DHX9: variants seen among roughly 807,000 people sequenced by gnomAD.
DHX9 encodes ATP-dependent RNA helicase A.
In DHX9, 27 loss-of-function variants were observed where a neutral mutation model predicts 148.7. The ratio of observed to expected loss-of-function variants is 0.18; its 90% confidence interval spans 0.13 to 0.25. The LOEUF (loss-of-function observed/expected upper bound fraction) is 0.25, where lower values mean the gene tolerates loss of function less well. Ranked by LOEUF, DHX9 falls within the 10% of genes least tolerant of loss-of-function variation. DHX9 has a pLI of 1.00. For synonymous variants in DHX9, 529 were observed against 516.6 expected (o/e 1.02, Z -0.33); for missense variants, 796 against 1,559.6 (o/e 0.51, Z 8.25).
chr1:182,887,012 T>C, intron 27 of DHX9, 71 bp from the exon 28 acceptor site: 1 of 1,384,338 alleles, frequency 7.2e-7, no homozygotes, highest in Non-Finnish European at 1.0e-6. Context: ...TAACTAAATG[T>C]GTACATTTGG....
At position 182,880,203 on chromosome 1, in the gene DHX9, T is replaced by C. The variant is rs1041792045; in HGVS notation, c.2513-294T>C. Among the ~76,000 whole-genome samples the C allele has an allele frequency of 3.9e-5, 6 of 152,238 alleles. No individual in the cohort carries two copies. In the East Asian group the frequency reaches 9.6e-4, roughly 24 times the overall value. On this transcript the variant is annotated intron_variant, in intron 21 of 27. Transcript: ENST00000367549. ...GCTGGGTATCAGACTTCTTATGGCA[T>C]GTAGAAACTTACGCTGCTATTATAG...
intron 22 of DHX9, 111 bp downstream of exon 22, chr1:182,880,719 T>A (rs1649047121): frequency 4.4e-6 from 3 of 687,022 alleles, no homozygotes; most frequent in Non-Finnish European, 7.5e-6. Context: ...ATCCTAAATG[T>A]TCTTCAGGGA....
intron 12 of DHX9, among the ~76,000 whole-genome samples, chr1:182,866,066 A>C (rs1648281053): frequency 1.3e-5 from 2 of 152,348 alleles, no homozygotes; most frequent in South Asian, 4.1e-4. Context: ...CATATGGCAA[A>C]GAAGGCAGTT....
intron 3 of DHX9, among the ~76,000 whole-genome samples, chr1:182,843,722 C>T (rs1057114376): frequency 6.6e-6 from 1 of 152,078 alleles, no homozygotes; most frequent in Non-Finnish European, 1.5e-5. Flanking sequence ...TGTTATGTTC[C>T]ATTCATTACC....
At chr1:182,851,572 ACAGAAATAGTTCATCC>A (rs1668151238) in intron 3 of DHX9, among the ~76,000 whole-genome samples, 1 of 152,222 alleles carries the variant, frequency 6.6e-6, no homozygotes, top group Admixed American at 6.5e-5. Context: ...TTCTTTGCAA[ACAGAAATAGTTCATCC>A]CATCTAGTTA....
chr1:182,882,929 C>T lies in DHX9; in HGVS notation c.2915-210C>T, dbSNP rs1299680478. 3.3e-5 allele frequency among the ~76,000 whole-genome samples: 5 copies of T among 151,670 alleles called. 1 individual carries two copies. The highest frequency in any genetic ancestry group is 4.4e-5 in the Non-Finnish European group (3 of 67,964). The stretch of plus-strand genomic sequence containing the variant: ...GGTTGAGTCTATAAGAGAATAGAGA[C>T]GTTTTCGTTTTCTTATTGTGGAAAC... On this transcript the variant is annotated intron_variant, in intron 24 of 27. Coordinates refer to ENST00000367549, the MANE Select transcript of DHX9 (RefSeq NM_001357.5).
At chr1:182,877,335 C>T (rs1648855792) in intron 19 of DHX9, 1 of 155,698 alleles carries the variant, frequency 6.4e-6, no homozygotes, top group African/African-American at 2.4e-5. Context: ...GAAAAATATA[C>T]CAGGAGACAT....
At chr1:182,870,402 C>A (rs151073998) in intron 14 of DHX9, among the ~76,000 whole-genome samples, 1 of 152,126 alleles carries the variant, frequency 6.6e-6, no homozygotes, top group Non-Finnish European at 1.5e-5. Flanking sequence ...TTACAGATAA[C>A]AAGACTTGCT....
Position 182,881,509 on chromosome 1 carries a change from A to AT in DHX9, c.2787-8dup. The AT allele has an allele frequency of 6.2e-7, 1 of 1,608,490 alleles. No individual in the cohort carries two copies. The highest frequency in any genetic ancestry group is 8.5e-7 in the Non-Finnish European group (1 of 1,178,286). The stretch of plus-strand genomic sequence containing the variant: ...TCTTAGAGAATGATTTCTCATGCCA[A>AT]TTTATTTTAGAATGGGTGGAGAAGA... On this transcript the variant is annotated splice_polypyrimidine_tract_variant and intron_variant, in intron 23 of 27. Coordinates refer to ENST00000367549, the MANE Select transcript of DHX9 (RefSeq NM_001357.5).
At chr1:182,851,534 AAGT>A (rs1414986584) in intron 3 of DHX9, among the ~76,000 whole-genome samples, 1 of 152,242 alleles carries the variant, frequency 6.6e-6, no homozygotes, top group Non-Finnish European at 1.5e-5. Flanking sequence ...CTGAATTAGA[AAGT>A]AAAAATAAGT....
intron 12 of DHX9, among the ~76,000 whole-genome samples, chr1:182,861,681 G>A (rs1668366476): frequency 6.6e-6 from 1 of 152,164 alleles, no homozygotes; most frequent in Non-Finnish European, 1.5e-5. Flanking sequence ...GAAGTGCTTT[G>A]TCTCACTGTC....
intron 2 of DHX9, among the ~76,000 whole-genome samples, 160 bp downstream of exon 2, chr1:182,842,837 A>G (rs539623860): frequency 6.6e-6 from 1 of 152,338 alleles, no homozygotes; most frequent in East Asian, 1.9e-4. Flanking sequence ...TCAAGTCAGC[A>G]TTACTTTTAA....
At chr1:182,856,889 G>A (rs1380961764) in intron 7 of DHX9, among the ~76,000 whole-genome samples, 5 of 152,006 alleles carry the variant, frequency 3.3e-5, no homozygotes, top group Admixed American at 2.0e-4. Context: ...TTGCTCTGTC[G>A]CCCAGGCTGG....
intron 11 of DHX9, 82 bp from the exon 12 acceptor site, chr1:182,859,911 A>C (rs1298835827): frequency 7.2e-6 from 10 of 1,393,930 alleles, no homozygotes; most frequent in Non-Finnish European, 9.8e-6. Flanking sequence ...GTCTATAGAG[A>C]TGGAAGTTTT....
At position 182,886,415 on chromosome 1, in the gene DHX9, C is replaced by CT. The variant is rs1480618471; in HGVS notation, c.3462-667dup. Among the ~76,000 whole-genome samples, 4 of 152,126 alleles carry CT rather than the reference C, an allele frequency of 2.6e-5. No homozygotes were observed. In the South Asian group the frequency reaches 8.3e-4, roughly 32 times the overall value. On this transcript the variant is annotated intron_variant, in intron 27 of 27. Coordinates refer to ENST00000367549, the MANE Select transcript of DHX9 (RefSeq NM_001357.5). ...TTTGCCATGTTGCCCAGGCTAGTCT[C>CT]TAACTCCTGACGTCAGGTGATCCAC...
chr1:182,844,620 A>C (rs1161322493), intron 3 of DHX9, among the ~76,000 whole-genome samples: 2 of 151,112 alleles, frequency 1.3e-5, no homozygotes, highest in African/African-American at 4.9e-5. Context: ...TGCAACCTCC[A>C]CCTCCTGGGT....
intron 6 of DHX9, among the ~76,000 whole-genome samples, chr1:182,856,101 C>G (rs551773100): frequency 2.6e-5 from 4 of 152,260 alleles, no homozygotes; most frequent in East Asian, 1.9e-4. Flanking sequence ...CTTAATAGAT[C>G]GCAGTCATTA....
intron 26 of DHX9, 63 bp from the exon 27 acceptor site, chr1:182,884,550 G>A: frequency 7.2e-7 from 1 of 1,397,052 alleles, no homozygotes; most frequent in Non-Finnish European, 1.0e-6. Flanking sequence ...GTGAAGTTGA[G>A]AGATAATGGT....
At chr1:182,842,980 TC>T (rs1411132127) in intron 2 of DHX9, among the ~76,000 whole-genome samples, 2 of 152,194 alleles carry the variant, frequency 1.3e-5, no homozygotes, top group African/African-American at 2.4e-5. Context: ...GCAGAGCAAT[TC>T]TTGATTGCTT....
Sources: gnomAD v4.1 joint callset for allele counts (sites outside exome capture counted in the v4.1 genomes callset) on GRCh38, gnomAD v4.1.1 for gene constraint, MANE v1.5 for transcripts, NCBI Gene and HGNC (gene_info 2026-07-23, HGNC 2026-07-21) for gene names.